The following MTCH2 variants were observed in gnomAD, a reference collection of about 807,000 sequenced individuals.
The protein encoded by MTCH2 is mitochondrial carrier homolog 2.
In MTCH2, 25 loss-of-function variants were observed where a neutral mutation model predicts 50.6. The observed-to-expected ratio is 0.49, with a 90% CI of 0.36 to 0.69. The LOEUF is 0.69. Ranked by LOEUF, MTCH2 falls within the 30% of genes least tolerant of loss-of-function variation. The pLI is 0.00. For missense variants in MTCH2, 273 were observed against 384.4 expected (o/e 0.71, Z 2.42); for synonymous variants, 106 against 132.0 (o/e 0.80, Z 1.35).
chr11:47,640,290 T>C (rs1488929957), intron 1 of MTCH2, among the ~76,000 whole-genome samples: 2 of 151,968 alleles, frequency 1.3e-5, no homozygotes, highest in East Asian at 1.9e-4. Context: ...GATTGTGCCA[T>C]TGCATGCCAG....
intron 1 of MTCH2, among the ~76,000 whole-genome samples, 153 bp downstream of exon 1, chr11:47,642,226 A>T (rs2097314917): frequency 6.6e-6 from 1 of 152,110 alleles, no homozygotes; most frequent in Non-Finnish European, 1.5e-5. Flanking sequence ...GGGACTGAGG[A>T]AGCTGTCCCT....
Position 47,625,661 on chromosome 11 carries a change from A to G in MTCH2, c.749+13T>C, listed in dbSNP as rs771587009. On this transcript the variant is annotated intron_variant, in intron 11 of 12. Transcript: ENST00000302503. ...TCAACCACCTACTAGAATAAGAAAT[A>G]CAAAGTGCTTACCCACAGTTGTTGA... 3 of 1,247,224 alleles carry G rather than the reference A, an allele frequency of 2.4e-6. No homozygotes were observed. Among genetic ancestry groups the G allele is most frequent in the South Asian group, 5.1e-5 (2 of 38,852 alleles). 77.3% of individuals were successfully genotyped at this position (1,247,224 alleles called of 1,614,324 possible). A position where few individuals can be genotyped will look rare whatever the true frequency, so the allele number is the denominator to read the frequency against.
intron 7 of MTCH2, 36 bp downstream of exon 7, chr11:47,631,000 A>G: frequency 6.5e-7 from 1 of 1,538,098 alleles, no homozygotes; most frequent in Non-Finnish European, 9.0e-7. Context: ...TGGCTTCAAA[A>G]GATCTCCTTG....
intron 11 of MTCH2, among the ~76,000 whole-genome samples, 176 bp from the exon 12 acceptor site, chr11:47,622,952 C>T (rs2097294653): frequency 6.6e-6 from 1 of 152,164 alleles, no homozygotes; most frequent in Admixed American, 6.5e-5. Flanking sequence ...AAGAGAATTC[C>T]TCCCCTATAT....
At chr11:47,631,451 T>C (rs1018834106) in intron 6 of MTCH2, among the ~76,000 whole-genome samples, 42 of 151,876 alleles carry the variant, frequency 2.8e-4, no homozygotes, top group African/African-American at 9.4e-4. Context: ...TATGTTAAGA[T>C]AGATTTTGAT....
intron 5 of MTCH2, among the ~76,000 whole-genome samples, chr11:47,632,535 A>AT (rs919898372): frequency 6.7e-6 from 1 of 149,532 alleles, no homozygotes; most frequent in African/African-American, 2.5e-5. Flanking sequence ...TTTTCTTTGT[A>AT]TTTTTTAGTA....
At chr11:47,640,556 C>T (rs146113018) in intron 1 of MTCH2, among the ~76,000 whole-genome samples, 1,985 of 152,076 alleles carry the variant, frequency 0.013, 45 homozygotes, top group African/African-American at 0.045. Context: ...GCTGGGATTA[C>T]AGGCACCCAC....
intron 3 of MTCH2, among the ~76,000 whole-genome samples, chr11:47,638,288 G>A (rs368155266): frequency 2.0e-5 from 3 of 147,804 alleles, no homozygotes; most frequent in Admixed American, 6.9e-5. Flanking sequence ...CCCGCCGGGC[G>A]CGGTGGCTCA....
At chr11:47,619,161 C>T (rs913205923) in intron 12 of MTCH2, among the ~76,000 whole-genome samples, 6 of 152,236 alleles carry the variant, frequency 3.9e-5, no homozygotes, top group African/African-American at 1.2e-4. Context: ...CTGGCTTTGC[C>T]ACTTTCCAGC....
In MTCH2 at chr11:47,642,528, C is replaced by A. The variant is rs535924205; in HGVS notation, c.-63G>T. 3.0e-4 allele frequency: 443 copies of A among 1,472,648 alleles called. 1 individual carries two copies. In the African/African-American group the frequency reaches 3.7e-3, roughly 12 times the overall value. The allele number at this position is 1,472,648 out of a possible 1,614,324, so 91.2% of individuals were successfully genotyped here. A position where few individuals can be genotyped will look rare whatever the true frequency, so the allele number is the denominator to read the frequency against. On this transcript the variant is annotated 5_prime_UTR_variant, in exon 1 of 13. It adds an upstream start codon to the 5' untranslated region. Transcript: ENST00000302503. ...CACCAAGCGACCCGGTGAGCCGGTC[C>A]TAGGTCACGTGCCAGGGCCGCCGGT...
At chr11:47,628,351 T>C (rs1383666546) in intron 9 of MTCH2, among the ~76,000 whole-genome samples, 4 of 152,184 alleles carry the variant, frequency 2.6e-5, no homozygotes, top group African/African-American at 4.8e-5. Flanking sequence ...TAAGTATCAG[T>C]AAAGAAGTGA....
intron 3 of MTCH2, 136 bp downstream of exon 3, chr11:47,638,563 A>AG (rs2097310976): frequency 3.0e-6 from 2 of 670,378 alleles, no homozygotes; most frequent in Admixed American, 3.3e-5. Flanking sequence ...AAAAAAAAAA[A>AG]AAAGAAAGTG....
At chr11:47,634,852 A>G (rs2097307076) in intron 4 of MTCH2, 118 bp from the exon 5 acceptor site, 8 of 589,668 alleles carry the variant, frequency 1.4e-5, no homozygotes, top group Non-Finnish European at 2.2e-5. Flanking sequence ...GGCTCACTGC[A>G]AGCTCCACCG....
chr11:47,607,955 G>A, the MTCH2 span, among the ~76,000 whole-genome samples: 3 of 152,110 alleles, frequency 2.0e-5, no homozygotes. Context: ...TTCACTCTTC[G>A]TTAAAATCTG....
chr11:47,625,842 AAC>A (rs779415148), intron 10 of MTCH2, 101 bp from the exon 11 acceptor site: 15 of 847,476 alleles, frequency 1.8e-5, no homozygotes, highest in Non-Finnish European at 2.8e-5. Flanking sequence ...GAGACACTCT[AAC>A]ACTTGTCTCG....
chr11:47,634,982 A>T (rs1261780322), intron 4 of MTCH2, among the ~76,000 whole-genome samples: 1 of 152,060 alleles, frequency 6.6e-6, no homozygotes, highest in Non-Finnish European at 1.5e-5. Context: ...CGTGTTAGCC[A>T]GGATGGTCTC....
intron 5 of MTCH2, among the ~76,000 whole-genome samples, chr11:47,632,562 G>C (rs2097304084): frequency 6.6e-6 from 1 of 152,002 alleles, no homozygotes. Flanking sequence ...GTTTCACCGT[G>C]TTAGCCAGGA....
chr11:47,631,666 G>A lies in MTCH2; in HGVS notation c.415C>T (p.His139Tyr), dbSNP rs1470242061. 3 of 1,613,980 alleles carry A rather than the reference G, an allele frequency of 1.9e-6. No individual in the cohort carries two copies. Among genetic ancestry groups the A allele is most frequent in the Non-Finnish European group, 2.5e-6 (3 of 1,180,006 alleles). Residue 139 changes from histidine (H) to tyrosine (Y), a missense_variant, in exon 6 of 13, where the codon CAT (histidine) becomes TAT (tyrosine). Physicochemically the swap from His to Tyr is moderately conservative, Grantham distance 83. Transcript: ENST00000302503. ...ACTGCAAACATACCATGGAAGGGAT[G>A]TGTGATGAGGGTAGCAGCAGAACGA... is the stretch of plus-strand genomic sequence containing the variant. ...IARSAATLIT[H>Y]PFHVITLRSM... is the part of the protein sequence containing the mutation.
At chr11:47,635,715 C>T (rs1191680043) in intron 3 of MTCH2, 144 bp from the exon 4 acceptor site, 1 of 677,444 alleles carries the variant, frequency 1.5e-6, no homozygotes, top group Non-Finnish European at 2.4e-6. Flanking sequence ...TGCAAATCTT[C>T]AGTTAACTTC....
Sources: gnomAD v4.1 joint callset for allele counts (sites outside exome capture counted in the v4.1 genomes callset) on GRCh38, gnomAD v4.1.1 for gene constraint, MANE v1.5 for transcripts, NCBI Gene and HGNC (gene_info 2026-07-23, HGNC 2026-07-21) for gene names.